The following CCDC30 variants were observed in gnomAD, a reference collection of about 807,000 sequenced individuals.
CCDC30 encodes coiled-coil domain-containing protein 30.
Under a neutral mutation model 100.2 loss-of-function variants are expected in CCDC30, and 70 were observed. The observed-to-expected ratio is 0.70, with a 90% CI of 0.58 to 0.85. The LOEUF is 0.85. Ranked by LOEUF, CCDC30 falls within the 40% of genes least tolerant of loss-of-function variation. The pLI, the probability that CCDC30 is intolerant of heterozygous loss-of-function variation, is 0.00. For synonymous variants in CCDC30, 233 were observed against 269.5 expected, an observed-to-expected ratio of 0.86 and a Z score of 1.33; for missense variants, 652 against 771.2, an observed-to-expected ratio of 0.85 and a Z score of 1.83.
intron 6 of CCDC30, among the ~76,000 whole-genome samples, chr1:42,515,755 T>C (rs904422182): frequency 6.6e-6 from 1 of 152,236 alleles, no homozygotes; most frequent in Non-Finnish European, 1.5e-5. Flanking sequence ...TTACTATCTG[T>C]CTCTATGATT....
chr1:42,466,046 G>T (rs1378581000), intron 1 of CCDC30, among the ~76,000 whole-genome samples: 2 of 152,036 alleles, frequency 1.3e-5, no homozygotes, highest in African/African-American at 2.4e-5. Context: ...AATTTTATTT[G>T]GGAATTGAAA....
At chr1:42,512,451 G>T (rs373169338) in intron 6 of CCDC30, among the ~76,000 whole-genome samples, 23 of 152,214 alleles carry the variant, frequency 1.5e-4, no homozygotes, top group Admixed American at 1.2e-3. Context: ...TGTGGCGGGT[G>T]GGGGGAGACC....
chr1:42,578,430 G>T (rs1645888579), intron 8 of CCDC30, among the ~76,000 whole-genome samples: 1 of 152,142 alleles, frequency 6.6e-6, no homozygotes, highest in Non-Finnish European at 1.5e-5. Context: ...CTTGGTCGGG[G>T]AAGTAGATAC....
intron 11 of CCDC30, among the ~76,000 whole-genome samples, chr1:42,626,751 C>T (rs142857985): frequency 0.013 from 1,919 of 152,160 alleles, 43 homozygotes; most frequent in African/African-American, 0.043. Context: ...CAGGGGTTGC[C>T]GGTTTTGCTT....
In CCDC30 at chr1:42,646,120, T is replaced by G; in HGVS notation, c.1672-15T>G. On this transcript the variant is annotated splice_polypyrimidine_tract_variant and intron_variant, in intron 14 of 16. Transcript: ENST00000668663. ...CTATTGAAATAAATAACTCCAAAAT[T>G]GTTTTTAAACTTAGAATCTTAAGGA... is the stretch of plus-strand genomic sequence containing the variant. 6.4e-7 allele frequency: 1 copy of G among 1,555,838 alleles called. No individual in the cohort carries two copies. The highest frequency in any genetic ancestry group is 8.7e-7 in the Non-Finnish European group (1 of 1,155,630).
intron 4 of CCDC30, chr1:42,491,916 G>T: frequency 1.8e-6 from 1 of 565,992 alleles, no homozygotes; most frequent in South Asian, 2.8e-5. Flanking sequence ...AATTGCATCT[G>T]ATAGCCTCAA....
exon 7 of CCDC30, chr1:42,566,439 G>T: frequency 6.2e-7 from 1 of 1,613,836 alleles, no homozygotes; most frequent in Non-Finnish European, 8.5e-7. Flanking sequence ...TGGACTTAAA[G>T]CAACATAATA....
rs575819261 is a variant in CCDC30, at chr1:42,493,551, C to A, written c.241+3322C>A. Among the ~76,000 whole-genome samples, 5 of 152,176 alleles carry A rather than the reference C, an allele frequency of 3.3e-5. No individual in the cohort carries two copies. In the South Asian group the frequency reaches 8.3e-4, roughly 25 times the overall value. Reference sequence around the variant, plus strand: ...GCAGTGACCGGAGATTGTGCCACTGCACTCCAGCCTGGCCACAGATGGAGA... The same window carrying A: ...GCAGTGACCGGAGATTGTGCCACTGAACTCCAGCCTGGCCACAGATGGAGA... On this transcript the variant is annotated intron_variant, in intron 4 of 16. Coordinates refer to ENST00000668663, the Ensembl canonical transcript of CCDC30.
intron 8 of CCDC30, among the ~76,000 whole-genome samples, chr1:42,579,059 C>T (rs1367206607): frequency 6.6e-6 from 1 of 152,010 alleles, no homozygotes; most frequent in Non-Finnish European, 1.5e-5. Flanking sequence ...GGCGCTATCT[C>T]GGCTCACTGC....
intron 11 of CCDC30, among the ~76,000 whole-genome samples, chr1:42,632,042 A>G (rs1647047719): frequency 6.6e-6 from 1 of 152,184 alleles, no homozygotes; most frequent in South Asian, 2.1e-4. Flanking sequence ...TTTCTCAAGC[A>G]GGAGTTTCAC....
At chr1:42,548,886 A>C (rs376646560) in intron 6 of CCDC30, among the ~76,000 whole-genome samples, 3 of 152,320 alleles carry the variant, frequency 2.0e-5, no homozygotes, top group Admixed American at 6.5e-5. Flanking sequence ...TGCACACAGA[A>C]GCTGCTTATA....
In CCDC30 at chr1:42,480,818, A is replaced by T. The variant is rs553289901; in HGVS notation, c.15+252A>T. Among the ~76,000 whole-genome samples, 4 of 152,278 alleles carry T rather than the reference A, an allele frequency of 2.6e-5. No individual in the cohort carries two copies. The East Asian group carries it at 7.7e-4, about 29-fold the overall frequency. On this transcript the variant is annotated intron_variant, in intron 2 of 16. Coordinates refer to ENST00000668663, the Ensembl canonical transcript of CCDC30. ...CCTTAGAAGTATTTTGTTTGAATGTATGATAATGTATAGATTCATGGCCAG... is the reference window on the plus strand; with the variant it reads ...CCTTAGAAGTATTTTGTTTGAATGTTTGATAATGTATAGATTCATGGCCAG...
chr1:42,460,407 T>C (rs1643378896), upstream of CCDC30: 5 of 985,306 alleles, frequency 5.1e-6, no homozygotes, highest in African/African-American at 7.0e-5. Flanking sequence ...GCTGACACAA[T>C]GGAAAGGATG....
At chr1:42,623,589 C>A (rs537836295) in intron 11 of CCDC30, among the ~76,000 whole-genome samples, 2 of 152,046 alleles carry the variant, frequency 1.3e-5, no homozygotes, top group Non-Finnish European at 2.9e-5. Context: ...TTCTATTGGT[C>A]TATGTGTCTA....
intron 7 of CCDC30, among the ~76,000 whole-genome samples, chr1:42,573,903 C>T (rs1372451217): frequency 6.6e-6 from 1 of 151,958 alleles, no homozygotes; most frequent in African/African-American, 2.4e-5. Context: ...TGTTAATATG[C>T]TGAATTACTT....
intron 6 of CCDC30, among the ~76,000 whole-genome samples, chr1:42,526,227 T>C: frequency 6.6e-6 from 1 of 152,156 alleles, no homozygotes; most frequent in Admixed American, 6.5e-5. Context: ...TGGAGTAAAG[T>C]CCCCCAATGT....
chr1:42,556,723 G>T (rs993725119), intron 6 of CCDC30, among the ~76,000 whole-genome samples: 1 of 152,090 alleles, frequency 6.6e-6, no homozygotes, highest in Non-Finnish European at 1.5e-5. Context: ...TAGCAAAATA[G>T]CAAGTAAAAT....
At chr1:42,556,484 A>G (rs1285446034) in intron 6 of CCDC30, 79 bp downstream of exon 10, 1 of 1,419,338 alleles carries the variant, frequency 7.0e-7, no homozygotes, top group Non-Finnish European at 9.4e-7. Context: ...TTTAAATACC[A>G]TCATTCATAT....
chr1:42,547,604 A>G (rs560420367), intron 6 of CCDC30, among the ~76,000 whole-genome samples: 7 of 152,312 alleles, frequency 4.6e-5, no homozygotes, highest in Non-Finnish European at 1.0e-4. Context: ...GAGCTCCTTG[A>G]TGCCACCTGT....
Sources: allele counts gnomAD v4.1 joint callset (sites outside exome capture counted in the v4.1 genomes callset), GRCh38; gene constraint gnomAD v4.1.1; transcripts MANE v1.5; gene names NCBI Gene and HGNC (gene_info 2026-07-23, HGNC 2026-07-21).